AP1AR: variants seen among roughly 807,000 people sequenced by gnomAD.
AP1AR encodes AP-1 complex-associated regulatory protein.
A neutral mutation model predicts 46.3 loss-of-function variants in AP1AR; 29 were observed. That is an observed-to-expected ratio of 0.63 (90% CI 0.47 to 0.85). AP1AR has a LOEUF of 0.85. Ranked by LOEUF, AP1AR falls within the 40% of genes least tolerant of loss-of-function variation. The probability of loss-of-function intolerance (pLI) is 0.00; values close to 1 mark genes in which losing one functional copy is unlikely to be tolerated. For synonymous variants in AP1AR, 122 were observed against 122.9 expected, an observed-to-expected ratio of 0.99 and a Z score of 0.05; for missense variants, 357 against 356.3, an observed-to-expected ratio of 1.00 and a Z score of -0.02.
rs1209285611 is a variant in AP1AR at position 112,269,854 on chromosome 4, T to C, written c.*1445T>C. 1 of 152,576 alleles carries C rather than the reference T, an allele frequency of 6.6e-6. No individual in the cohort carries two copies. The highest frequency in any genetic ancestry group is 1.5e-5 in the Non-Finnish European group (1 of 67,966). The allele number at this position is 152,576 out of a possible 1,614,324, so 9.5% of individuals were successfully genotyped here. On this transcript the variant is annotated 3_prime_UTR_variant, in exon 10 of 10. Coordinates refer to ENST00000274000, the MANE Select transcript of AP1AR (RefSeq NM_018569.6). ...AAGTTGTAGCTGTGTCTTGGAAATA[T>C]TTTTAAGGTAATCTATATTCACATT...
At chr4:112,253,966 AAAAGAT>A (rs1461714960) in intron 2 of AP1AR, among the ~76,000 whole-genome samples, 1 of 152,222 alleles carries the variant, frequency 6.6e-6, no homozygotes. Flanking sequence ...CTAATATAAA[AAAAGAT>A]AAAGATAATA....
chr4:112,265,772 A>C lies in AP1AR; in HGVS notation c.479A>C (p.Asn160Thr), dbSNP rs1280484250. ...PEDDFESCLR[N>T]MKSQYEVFRS... ...GATGACTTCGAATCTTGTTTGAGAA[A>C]TATGAAGTCACAGTATGAAGTTTTT... The change falls in exon 8 of 10, where the codon AAT becomes ACT. Residue 160 changes from asparagine (N) to threonine (T), a missense_variant. Transcript: ENST00000274000. 1 of 1,609,888 alleles carries C rather than the reference A, an allele frequency of 6.2e-7. No homozygotes were observed. Among genetic ancestry groups the C allele is most frequent in the Non-Finnish European group, 8.5e-7 (1 of 1,177,686 alleles).
Position 112,271,089 on chromosome 4 carries a change from AG to A in AP1AR, c.*2684del, listed in dbSNP as rs1298976383. On this transcript the variant is annotated 3_prime_UTR_variant, in exon 10 of 10. Coordinates refer to ENST00000274000, the MANE Select transcript of AP1AR (RefSeq NM_018569.6). Reference sequence around the variant, plus strand: ...AAGGGGTAGAATCAGATACTACTGTAGGGGTAACACATCTGGCATGGTGCCG... The same window carrying A: ...AAGGGGTAGAATCAGATACTACTGTAGGGTAACACATCTGGCATGGTGCCG... Among the ~76,000 whole-genome samples the A allele has an allele frequency of 6.6e-6, 1 of 152,208 alleles. No homozygotes were observed. Among genetic ancestry groups the A allele is most frequent in the Admixed American group, 6.5e-5 (1 of 15,280 alleles).
chr4:112,253,229 C>T lies in AP1AR; in HGVS notation c.105C>T (p.Cys35=), dbSNP rs1188846774. The T allele has an allele frequency of 6.2e-7, 1 of 1,610,586 alleles. No individual in the cohort carries two copies. Among genetic ancestry groups the T allele is most frequent in the Admixed American group, 1.7e-5 (1 of 59,180 alleles). Residue 35 remains cysteine, a synonymous_variant, in exon 2 of 10, where the codon TGC becomes TGT. Coordinates refer to ENST00000274000, the MANE Select transcript of AP1AR (RefSeq NM_018569.6). The part of the protein sequence containing the change: ...GGGGSKYFRT[C]SRGEHLTIEF... The stretch of plus-strand genomic sequence containing the variant: ...CCAGATCCAAGTATTTTAGAACATG[C>T]TCAAGAGGTGAGCACTTAACAATAG...
chr4:112,253,703 C>T (rs1372916601), intron 2 of AP1AR, among the ~76,000 whole-genome samples: 1 of 152,158 alleles, frequency 6.6e-6, no homozygotes, highest in African/African-American at 2.4e-5. Context: ...ATAAACTAGC[C>T]ACTCCACCAT....
chr4:112,254,696 G>A lies in AP1AR; in HGVS notation c.133-51G>A, dbSNP rs184379453. 2.4e-5 allele frequency: 29 copies of A among 1,208,192 alleles called. No homozygotes were observed. In the Middle Eastern group the frequency reaches 7.8e-4, roughly 33 times the overall value. The allele number at this position is 1,208,192 out of a possible 1,614,324, so 74.8% of individuals were successfully genotyped here. On this transcript the variant is annotated intron_variant, in intron 2 of 9. Coordinates refer to ENST00000274000, the MANE Select transcript of AP1AR (RefSeq NM_018569.6). The stretch of plus-strand genomic sequence containing the variant: ...AAAGTAACATAATTTCTTGTGAGAT[G>A]TATACCTAAGACAAATATTCCTCTT...
At chr4:112,266,274 C>G (rs1013234865) in intron 8 of AP1AR, among the ~76,000 whole-genome samples, 1 of 151,484 alleles carries the variant, frequency 6.6e-6, no homozygotes, top group Non-Finnish European at 1.5e-5. Flanking sequence ...TTTTATCTTT[C>G]TTGTTCATTG....
At chr4:112,240,014 C>T (rs1005779409) in intron 1 of AP1AR, among the ~76,000 whole-genome samples, 3 of 152,226 alleles carry the variant, frequency 2.0e-5, no homozygotes, top group Non-Finnish European at 4.4e-5. Flanking sequence ...CTTAAATGCA[C>T]ATCTGATACT....
rs190610001 is a variant in AP1AR, at chr4:112,244,888, A to T, written c.84-8320A>T. ...TCAGTAGGTTTAGTCAGAAGTTACAAATATGAAAGCGGAGAATACTGTTTT... is the reference window on the plus strand; with the variant it reads ...TCAGTAGGTTTAGTCAGAAGTTACATATATGAAAGCGGAGAATACTGTTTT... On this transcript the variant is annotated intron_variant, in intron 1 of 9. Coordinates refer to ENST00000274000, the MANE Select transcript of AP1AR (RefSeq NM_018569.6). 9.0e-4 allele frequency among the ~76,000 whole-genome samples: 137 copies of T among 152,312 alleles called. 1 individual carries two copies. The highest frequency in any genetic ancestry group is 2.5e-4 in the Non-Finnish European group (17 of 68,012).
chr4:112,265,812 GT>G lies in AP1AR; in HGVS notation c.514+11del, dbSNP rs1284835992. 1 of 1,580,930 alleles carries G rather than the reference GT, an allele frequency of 6.3e-7. No homozygotes were observed. Among genetic ancestry groups the G allele is most frequent in the South Asian group, 1.1e-5 (1 of 89,626 alleles). On this transcript the variant is annotated splice_donor_region_variant and intron_variant, in intron 8 of 9. Coordinates refer to ENST00000274000, the MANE Select transcript of AP1AR (RefSeq NM_018569.6). ...ATGAAGTTTTTCGAAGTAGTAGTAAGTTTTTTAAAGTATTTTCTGTACTTTT... is the reference window on the plus strand; with the variant it reads ...ATGAAGTTTTTCGAAGTAGTAGTAAGTTTTTAAAGTATTTTCTGTACTTTT...
chr4:112,262,798 A>G (rs1271753295), intron 5 of AP1AR, among the ~76,000 whole-genome samples, 190 bp from the exon 6 acceptor site: 1 of 152,240 alleles, frequency 6.6e-6, no homozygotes, highest in Non-Finnish European at 1.5e-5. Context: ...AATGTGTTTT[A>G]TATCCTTTGG....
Position 112,268,612 on chromosome 4 carries a change from T to A in AP1AR, c.*203T>A. 1 of 426,986 alleles carries A rather than the reference T, an allele frequency of 2.3e-6. No homozygotes were observed. Among genetic ancestry groups the A allele is most frequent in the Non-Finnish European group, 4.0e-6 (1 of 249,784 alleles). 26.4% of individuals were successfully genotyped at this position (426,986 alleles called of 1,614,324 possible). Reference sequence around the variant, plus strand: ...TGCAATTTCATCATCTGCCTTCTGCTTTTCAAGACCAATTTAATGGTCCTG... The same window carrying A: ...TGCAATTTCATCATCTGCCTTCTGCATTTCAAGACCAATTTAATGGTCCTG... On this transcript the variant is annotated 3_prime_UTR_variant, in exon 10 of 10. Coordinates refer to ENST00000274000, the MANE Select transcript of AP1AR (RefSeq NM_018569.6).
chr4:112,260,624 C>A, intron 4 of AP1AR, 142 bp from the exon 5 acceptor site: 2 of 533,696 alleles, frequency 3.7e-6, no homozygotes, highest in Middle Eastern at 4.4e-4. Flanking sequence ...TTACTCTTAA[C>A]AATTGAAGTT....
rs1374566136 is a variant in AP1AR, at chr4:112,232,187, G to C, written c.83+13G>C. The C allele has an allele frequency of 1.6e-6, 2 of 1,270,080 alleles. No individual in the cohort carries two copies. Among genetic ancestry groups the C allele is most frequent in the East Asian group, 3.1e-5 (1 of 31,854 alleles). 78.7% of individuals were successfully genotyped at this position (1,270,080 alleles called of 1,614,324 possible). A position where few individuals can be genotyped will look rare whatever the true frequency, so the allele number is the denominator to read the frequency against. On this transcript the variant is annotated intron_variant, in intron 1 of 9. Transcript: ENST00000274000. ...GCGGCGGCGGAGGGTAAGCCCGCTG[G>C]GGGAGGGGCCCGGCCCCCGTGGCTC... is the stretch of plus-strand genomic sequence containing the variant.
intron 5 of AP1AR, among the ~76,000 whole-genome samples, chr4:112,262,749 A>T (rs531517749): frequency 3.3e-5 from 5 of 152,360 alleles, no homozygotes; most frequent in African/African-American, 9.6e-5. Flanking sequence ...TACAGAATAG[A>T]TGCTACTGCT....
intron 1 of AP1AR, among the ~76,000 whole-genome samples, chr4:112,241,658 T>G (rs1256258422): frequency 1.3e-5 from 2 of 152,238 alleles, no homozygotes; most frequent in Non-Finnish European, 2.9e-5. Flanking sequence ...GATATAATGT[T>G]TAGCCAGATA....
chr4:112,236,209 C>A (rs1367182802), intron 1 of AP1AR, among the ~76,000 whole-genome samples: 2 of 151,832 alleles, frequency 1.3e-5, no homozygotes, highest in African/African-American at 4.8e-5. Flanking sequence ...CTGTCTTCTG[C>A]CATAAACATT....
intron 1 of AP1AR, among the ~76,000 whole-genome samples, chr4:112,232,421 G>A (rs1578396581): frequency 6.6e-6 from 1 of 152,358 alleles, no homozygotes; most frequent in East Asian, 1.9e-4. Context: ...CCTGTCACGC[G>A]GGGAAGGAGT....
In AP1AR at chr4:112,254,727, T is replaced by G. The variant is rs1421876529; in HGVS notation, c.133-20T>G. ...CTAAGACAAATATTCCTCTTAACGCTTACTTTTTTGTCCTTTCAGTTTGAG... is the reference window on the plus strand; with the variant it reads ...CTAAGACAAATATTCCTCTTAACGCGTACTTTTTTGTCCTTTCAGTTTGAG... On this transcript the variant is annotated intron_variant, in intron 2 of 9. Transcript: ENST00000274000. 1.3e-6 allele frequency: 2 copies of G among 1,493,990 alleles called. No homozygotes were observed. Among genetic ancestry groups the G allele is most frequent in the African/African-American group, 1.4e-5 (1 of 69,978 alleles). 92.5% of individuals were successfully genotyped at this position (1,493,990 alleles called of 1,614,324 possible). A position where few individuals can be genotyped will look rare whatever the true frequency, so the allele number is the denominator to read the frequency against.
Sources: allele counts gnomAD v4.1 joint callset (sites outside exome capture counted in the v4.1 genomes callset), GRCh38; gene constraint gnomAD v4.1.1; transcripts MANE v1.5; gene names NCBI Gene and HGNC (gene_info 2026-07-23, HGNC 2026-07-21).